Variants in SYNE1 observed in about 807,000 individuals in gnomAD.
SYNE1 encodes the protein nesprin-1.
In SYNE1, 616 loss-of-function variants were observed where a neutral mutation model predicts 1,111.0. That is an observed-to-expected ratio of 0.55 (90% CI 0.52 to 0.59). SYNE1 has a LOEUF of 0.59. Among genes scored for constraint, SYNE1 ranks in the 20% least tolerant of loss-of-function variants. SYNE1 has a pLI of 0.00. For synonymous variants in SYNE1, 3,855 were observed against 3,825.8 expected, an observed-to-expected ratio of 1.01 and a Z score of -0.28; for missense variants, 10,006 against 10,417.0, an observed-to-expected ratio of 0.96 and a Z score of 1.72.
At position 152,340,021 on chromosome 6, in the gene SYNE1, G is replaced by T. The variant is rs561940189; in HGVS notation, c.12226-655C>A. On this transcript the variant is annotated intron_variant, in intron 74 of 145. Transcript: ENST00000367255. ...CCCAGGGAGTTGACATTCTTAGGAA[G>T]GAGATAAATAATATATAAATAAACA... Among the ~76,000 whole-genome samples, 3 of 152,292 alleles carry T rather than the reference G, an allele frequency of 2.0e-5. No individual in the cohort carries two copies. The East Asian group carries it at 5.8e-4, about 29-fold the overall frequency.
At position 152,148,172 on chromosome 6, in the gene SYNE1, C is replaced by T. The variant is rs1196762276; in HGVS notation, c.24849G>A (p.Leu8283=). The T allele has an allele frequency of 3.7e-6, 6 of 1,614,196 alleles. No homozygotes were observed. Among genetic ancestry groups the T allele is most frequent in the Non-Finnish European group, 5.1e-6 (6 of 1,180,034 alleles). The change falls in exon 137 of 146, where the codon CTG becomes CTA. Residue 8283 remains leucine, a synonymous_variant. Transcript: ENST00000367255. This position sits in a 1 kb window ranked among gnomAD's most constrained non-coding sequence, Gnocchi z 4.1. The part of the protein sequence containing the change: ...DTPASVDSIP[L]EWDHDYDLSR... ...TGAGGTCATAGTCGTGATCCCACTC[C>T]AGGGGGATGGAGTCCACACTAGCCG...
chr6:152,272,868 T>C (rs957367592), intron 98 of SYNE1, among the ~76,000 whole-genome samples: 28 of 152,380 alleles, frequency 1.8e-4, no homozygotes, highest in African/African-American at 6.5e-4. Flanking sequence ...CAATTAACTT[T>C]AGTTAATTTC....
chr6:152,379,776 T>C (rs114499022), intron 56 of SYNE1, among the ~76,000 whole-genome samples: 2,721 of 152,304 alleles, frequency 0.018, 74 homozygotes, highest in African/African-American at 0.062. Context: ...TGCATTCTCA[T>C]GTATATTTTT....
At chr6:152,427,634 A>G (rs1036896860) in intron 38 of SYNE1, 59 bp downstream of exon 38, 3 of 1,592,110 alleles carry the variant, frequency 1.9e-6, no homozygotes, top group Non-Finnish European at 2.6e-6. Context: ...TATTTTAAAT[A>G]ATGTAACTGT....
intron 36 of SYNE1, among the ~76,000 whole-genome samples, chr6:152,428,901 T>G (rs1448797993): frequency 1.3e-5 from 2 of 152,086 alleles, no homozygotes; most frequent in African/African-American, 4.8e-5. Context: ...GCTATTTATC[T>G]AAAAACTTTC....
At chr6:152,292,655 A>G (rs1179387751) in intron 95 of SYNE1, among the ~76,000 whole-genome samples, 1 of 152,240 alleles carries the variant, frequency 6.6e-6, no homozygotes, top group Non-Finnish European at 1.5e-5. Flanking sequence ...AGTAGAAGAA[A>G]GACAAAGTAC....
chr6:152,502,080 T>C (rs909325833), intron 10 of SYNE1, among the ~76,000 whole-genome samples: 16 of 152,154 alleles, frequency 1.1e-4, no homozygotes, highest in Non-Finnish European at 1.0e-4. Context: ...TTTTTCTTGA[T>C]TTAAAAAATT....
chr6:152,450,390 TG>T (rs2098637753), intron 27 of SYNE1, among the ~76,000 whole-genome samples: 1 of 152,172 alleles, frequency 6.6e-6, no homozygotes, highest in Non-Finnish European at 1.5e-5. Flanking sequence ...ATAAGGATAT[TG>T]GGGAGAAAGG....
Position 152,396,913 on chromosome 6 carries a change from A to G in SYNE1, c.7418T>C (p.Leu2473Ser). The change falls in exon 50 of 146, where the codon TTG becomes TCG. Residue 2473 changes from leucine (L) to serine (S), a missense_variant. By Grantham distance (145) the Leu-to-Ser change is moderately radical. Around this residue, in one of 7 missense-constraint regions of SYNE1, gnomAD observed 4,955 missense variants for 5,017.2 expected, o/e 0.99. Transcript: ENST00000367255. ...AATTTGTTTAGACAAATGTGCATAC[A>G]AAGTTTGTCCTTCTTGAGTCACTGC... ...LDAVTQEGQTLYAHLSKQIVS... is the reference protein window; with the variant it reads ...LDAVTQEGQTSYAHLSKQIVS... 1.2e-6 allele frequency: 2 copies of G among 1,614,228 alleles called. No individual in the cohort carries two copies. The highest frequency in any genetic ancestry group is 8.5e-7 in the Non-Finnish European group (1 of 1,180,042).
chr6:152,320,302 G>A (rs2095841819), intron 84 of SYNE1: 1 of 152,192 alleles, frequency 6.6e-6, no homozygotes, highest in African/African-American at 2.4e-5. Context: ...TCATGATGCA[G>A]TAGGATCAGA....
intron 55 of SYNE1, among the ~76,000 whole-genome samples, chr6:152,384,549 T>C (rs1040998544): frequency 3.3e-5 from 5 of 152,208 alleles, no homozygotes; most frequent in African/African-American, 1.2e-4. Flanking sequence ...TCATAAGATT[T>C]AAATAAGATA....
Position 152,164,152 on chromosome 6 carries a change from T to G in SYNE1, c.23790+11A>C, listed in dbSNP as rs1462193161. On this transcript the variant is annotated intron_variant, in intron 131 of 145. Transcript: ENST00000367255. ...ATGGCTTATTAATTCCATTTCCATT[T>G]TAAGTCTTACCTGCTGCTCATTAAG... is the stretch of plus-strand genomic sequence containing the variant. 3 of 1,614,134 alleles carry G rather than the reference T, an allele frequency of 1.9e-6. No individual in the cohort carries two copies. In the South Asian group the frequency reaches 3.3e-5, roughly 18 times the overall value.
At chr6:152,267,536 A>G (rs1215255839) in intron 100 of SYNE1, among the ~76,000 whole-genome samples, 3 of 152,216 alleles carry the variant, frequency 2.0e-5, no homozygotes, top group African/African-American at 4.8e-5. Flanking sequence ...CAATTCCTCT[A>G]TGACCTTTTA....
At chr6:152,355,852 A>G (rs931320792) in intron 66 of SYNE1, among the ~76,000 whole-genome samples, 5 of 152,188 alleles carry the variant, frequency 3.3e-5, no homozygotes, top group East Asian at 1.9e-4. Flanking sequence ...ACCACTTAAG[A>G]TTGCTAAAAT....
intron 3 of SYNE1, among the ~76,000 whole-genome samples, chr6:152,540,878 G>A (rs920157812): frequency 3.3e-5 from 5 of 152,162 alleles, no homozygotes; most frequent in Non-Finnish European, 5.9e-5. Flanking sequence ...AATGAATTCT[G>A]TTAACATTGT....
intron 4 of SYNE1, among the ~76,000 whole-genome samples, chr6:152,536,433 A>ATATAGTAATATATATTTATATATATAT (rs372742862): frequency 7.8e-6 from 1 of 128,478 alleles, no homozygotes; most frequent in African/African-American, 3.0e-5. Flanking sequence ...TTATATATAT[A>ATATAGTAATATATATTTATATATATAT]ACTATATATA....
At chr6:152,584,996 G>A (rs1304605473) in intron 3 of SYNE1, among the ~76,000 whole-genome samples, 1 of 152,150 alleles carries the variant, frequency 6.6e-6, no homozygotes, top group Non-Finnish European at 1.5e-5. Flanking sequence ...TTGAATTGTA[G>A]TTCCCGTAAT....
At chr6:152,128,612 TAGTC>T (rs1042802551) in intron 145 of SYNE1, 6 of 152,202 alleles carry the variant, frequency 3.9e-5, no homozygotes, top group Admixed American at 6.5e-5. Context: ...TTCAAACTAA[TAGTC>T]AGTTTCTTCC....
At position 152,353,327 on chromosome 6, in the gene SYNE1, T is replaced by C. The variant is rs1254687579; in HGVS notation, c.11189A>G (p.Asn3730Ser). ...TACTTTGTCAATCTTGGTAGCCACA[T>C]TCTTGAAGTTTTTATGAGTAGAGCC... Reference protein sequence around the residue: ...WYGSTHKNFKNVATKIDKVDT... With the variant: ...WYGSTHKNFKSVATKIDKVDT... The change falls in exon 69 of 146, where the codon AAT becomes AGT. Residue 3730 changes from asparagine (N) to serine (S), a missense_variant. By Grantham distance (46) the Asn-to-Ser change is conservative (BLOSUM62 1). This residue lies in a region of SYNE1 where 4,955 missense variants were observed against 5,017.2 expected (regional missense o/e 0.99). Transcript: ENST00000367255. 1 of 1,614,196 alleles carries C rather than the reference T, an allele frequency of 6.2e-7. No individual in the cohort carries two copies. The highest frequency in any genetic ancestry group is 8.5e-7 in the Non-Finnish European group (1 of 1,180,026).
Sources: allele counts gnomAD v4.1 joint callset (sites outside exome capture counted in the v4.1 genomes callset), GRCh38; gene constraint gnomAD v4.1.1; regional missense constraint gnomAD v4.1.1; non-coding constraint Gnocchi (gnomAD v3.1); transcripts MANE v1.5; gene names NCBI Gene and HGNC (gene_info 2026-07-23, HGNC 2026-07-21).